The following DCLK2 variants were observed in gnomAD, a reference collection of about 807,000 sequenced individuals.
DCLK2 encodes the protein serine/threonine-protein kinase DCLK2.
Under a neutral mutation model 78.4 loss-of-function variants are expected in DCLK2, and 31 were observed. The observed-to-expected ratio is 0.40, with a 90% confidence interval of 0.30 to 0.53. DCLK2 has a LOEUF of 0.53. DCLK2 is among the 20% of genes least tolerant of loss of function. DCLK2 has a pLI of 0.61. For missense variants in DCLK2, 872 were observed against 973.7 expected, an observed-to-expected ratio of 0.90 and a Z score of 1.39; for synonymous variants, 407 against 374.9, an observed-to-expected ratio of 1.09 and a Z score of -0.99.
intron 2 of DCLK2, among the ~76,000 whole-genome samples, chr4:150,144,619 C>T (rs1734332987): frequency 6.6e-6 from 1 of 152,168 alleles, no homozygotes; most frequent in South Asian, 2.1e-4. Context: ...CAGAGTCTAA[C>T]TCTGTTGCCC....
chr4:150,083,894 A>G (rs1035710226), intron 1 of DCLK2, among the ~76,000 whole-genome samples: 2 of 152,244 alleles, frequency 1.3e-5, no homozygotes, highest in Non-Finnish European at 2.9e-5. Context: ...AGGGCATACT[A>G]TGTCCTAGAC....
chr4:150,149,177 AC>A (rs1186124848), intron 2 of DCLK2, among the ~76,000 whole-genome samples: 1 of 151,670 alleles, frequency 6.6e-6, no homozygotes, highest in African/African-American at 2.4e-5. Flanking sequence ...ATTTTATCAG[AC>A]CCCCCACCCC....
At position 150,161,897 on chromosome 4, in the gene DCLK2, A is replaced by G. The variant is rs1301635106; in HGVS notation, c.757-31241A>G. Among the ~76,000 whole-genome samples, 56 of 152,110 alleles carry G rather than the reference A, an allele frequency of 3.7e-4. 1 individual carries two copies. The highest frequency in any genetic ancestry group is 6.5e-5 in the Admixed American group (1 of 15,276). On this transcript the variant is annotated intron_variant, in intron 2 of 15. Coordinates refer to ENST00000296550, the MANE Select transcript of DCLK2 (RefSeq NM_001040260.4). ...TAGAGGGGTGTTGCTTCAAGGTTGT[A>G]TCTTGTAACCTTACTGCTAGGGGCT...
At chr4:150,115,158 G>A (rs1198431765) in intron 2 of DCLK2, among the ~76,000 whole-genome samples, 1 of 152,120 alleles carries the variant, frequency 6.6e-6, no homozygotes, top group East Asian at 1.9e-4. Flanking sequence ...ACTTTAGTCT[G>A]TTAAAAGTTT....
rs1307585695 is a variant in DCLK2, at chr4:150,256,728, CT to C, written c.*485del. 6.6e-6 allele frequency: 1 copy of C among 152,652 alleles called. No homozygotes were observed. The highest frequency in any genetic ancestry group is 2.4e-5 in the African/African-American group (1 of 40,954). 9.5% of individuals were successfully genotyped at this position (152,652 alleles called of 1,614,324 possible). ...CGAAAGACTTAGAATTGCATTTGTC[CT>C]TTTGTGGGTGTCCTGTGAGAGGTGA... On this transcript the variant is annotated 3_prime_UTR_variant, in exon 16 of 16. Coordinates refer to ENST00000296550, the MANE Select transcript of DCLK2 (RefSeq NM_001040260.4).
intron 5 of DCLK2, among the ~76,000 whole-genome samples, chr4:150,208,299 A>G (rs541526903): frequency 6.6e-6 from 1 of 152,338 alleles, no homozygotes; most frequent in Non-Finnish European, 1.5e-5. Flanking sequence ...GTCATAAAAG[A>G]GTTTTTGTCA....
At chr4:150,119,083 GTTACATACAT>G (rs1162883433) in intron 2 of DCLK2, among the ~76,000 whole-genome samples, 3 of 151,630 alleles carry the variant, frequency 2.0e-5, no homozygotes, top group Non-Finnish European at 4.4e-5. Context: ...TGTTAATGCA[GTTACATACAT>G]TTGTGCACAT....
intron 2 of DCLK2, among the ~76,000 whole-genome samples, chr4:150,120,048 A>G (rs1017819913): frequency 6.6e-6 from 1 of 152,184 alleles, no homozygotes; most frequent in Non-Finnish European, 1.5e-5. Context: ...AGCAATTTGT[A>G]CCAGTATGTG....
At chr4:150,160,046 A>G (rs1735592830) in intron 2 of DCLK2, among the ~76,000 whole-genome samples, 1 of 148,790 alleles carries the variant, frequency 6.7e-6, no homozygotes, top group African/African-American at 2.5e-5. Context: ...ACGGGGTCTT[A>G]GTCTGTCGTC....
At chr4:150,182,347 T>C (rs745637946) in intron 2 of DCLK2, among the ~76,000 whole-genome samples, 2 of 152,174 alleles carry the variant, frequency 1.3e-5, no homozygotes, top group Non-Finnish European at 2.9e-5. Flanking sequence ...CTACCTGGCC[T>C]CCCAAATCAT....
intron 15 of DCLK2, chr4:150,253,371 G>C (rs1256880195): frequency 4.2e-6 from 5 of 1,200,554 alleles, no homozygotes; most frequent in Non-Finnish European, 5.5e-6. Flanking sequence ...CATCCCCAGA[G>C]CTGGGGCCTG....
intron 15 of DCLK2, chr4:150,253,232 G>A (rs576675375): frequency 3.1e-5 from 16 of 522,602 alleles, no homozygotes; most frequent in South Asian, 2.3e-4. Flanking sequence ...CCTCATAACT[G>A]AGACTGTGGG....
intron 2 of DCLK2, among the ~76,000 whole-genome samples, chr4:150,184,545 T>C (rs1196101142): frequency 6.6e-6 from 1 of 150,726 alleles, no homozygotes; most frequent in Non-Finnish European, 1.5e-5. Context: ...TTCCAAAGAG[T>C]GTCAATGGGT....
chr4:150,230,591 A>G (rs1294244027), intron 8 of DCLK2, among the ~76,000 whole-genome samples: 1 of 152,234 alleles, frequency 6.6e-6, no homozygotes, highest in African/African-American at 2.4e-5. Flanking sequence ...TTGCTTATAC[A>G]TGTTCACAAA....
Position 150,175,011 on chromosome 4 carries a change from A to AAAAATATAT in DCLK2, c.757-18126_757-18125insAAATATATA, listed in dbSNP as rs1454035697. Among the ~76,000 whole-genome samples, 40 of 9,974 alleles carry AAAAATATAT rather than the reference A, an allele frequency of 4.0e-3. 12 individuals carry two copies. Among genetic ancestry groups the AAAAATATAT allele is most frequent in the Middle Eastern group, 0.083 (1 of 12 alleles). The allele number at this position is 9,974 out of a possible 152,430, so 6.5% of individuals were successfully genotyped here. On this transcript the variant is annotated intron_variant, in intron 2 of 15. Transcript: ENST00000296550. ...AGACTCCGTCGCAAAAAAAAAAAAA[A>AAAAATATAT]ATATATATATATATATATATATTTA... is the stretch of plus-strand genomic sequence containing the variant.
At chr4:150,180,179 G>A (rs1017273249) in intron 2 of DCLK2, among the ~76,000 whole-genome samples, 3 of 152,188 alleles carry the variant, frequency 2.0e-5, no homozygotes, top group Non-Finnish European at 4.4e-5. Flanking sequence ...TTCCAAGTTA[G>A]AGTGTAAATC....
chr4:150,190,034 C>CAAAAAA (rs71596222), intron 2 of DCLK2, among the ~76,000 whole-genome samples: 8,090 of 26,040 alleles, frequency 0.31, 2,467 homozygotes, highest in Non-Finnish European at 0.41. Flanking sequence ...GACCCTGTCT[C>CAAAAAA]AAAAAAAAAA....
chr4:150,096,338 C>T (rs1320860510), intron 1 of DCLK2, among the ~76,000 whole-genome samples: 6 of 152,094 alleles, frequency 3.9e-5, no homozygotes, highest in African/African-American at 7.2e-5. Flanking sequence ...GAGTGAAATT[C>T]GTTTTAGATA....
intron 2 of DCLK2, among the ~76,000 whole-genome samples, chr4:150,103,987 A>G (rs1161154835): frequency 1.3e-5 from 2 of 152,158 alleles, no homozygotes; most frequent in Non-Finnish European, 2.9e-5. Context: ...GCAAGTAAGG[A>G]AAAATAAATT....
Sources: allele counts gnomAD v4.1 joint callset (sites outside exome capture counted in the v4.1 genomes callset), GRCh38; gene constraint gnomAD v4.1.1; transcripts MANE v1.5; gene names NCBI Gene and HGNC (gene_info 2026-07-23, HGNC 2026-07-21).